TRPS1: variants seen among roughly 807,000 people sequenced by gnomAD.
The protein encoded by TRPS1 is zinc finger transcription factor Trps1.
TRPS1 carries 6 observed loss-of-function variants against 101.2 expected under a neutral mutation model. The ratio of observed to expected loss-of-function variants is 0.06; its 90% CI spans 0.03 to 0.12. TRPS1 has a LOEUF of 0.12. Ranked by LOEUF, TRPS1 falls within the 10% of genes least tolerant of loss-of-function variation. The pLI is 1.00. For missense variants in TRPS1, 1,363 were observed against 1,567.0 expected (o/e 0.87, Z 2.20); for synonymous variants, 578 against 589.8 (o/e 0.98, Z 0.29).
intron 5 of TRPS1, among the ~76,000 whole-genome samples, chr8:115,580,465 T>C (rs1375480473): frequency 6.6e-6 from 1 of 152,060 alleles, no homozygotes; most frequent in Non-Finnish European, 1.5e-5. Flanking sequence ...CCTGTGCTCC[T>C]GAAACTTGGG....
intron 1 of TRPS1, among the ~76,000 whole-genome samples, chr8:115,643,143 A>C (rs955833034): frequency 4.6e-5 from 7 of 152,164 alleles, no homozygotes; most frequent in Non-Finnish European, 8.8e-5. Flanking sequence ...GCAATTGGTA[A>C]TCTTTTTGCT....
chr8:115,648,912 T>C (rs1013861324), intron 1 of TRPS1, among the ~76,000 whole-genome samples: 9 of 152,008 alleles, frequency 5.9e-5, no homozygotes, highest in African/African-American at 2.2e-4. Flanking sequence ...CAATACTCCA[T>C]GTGGAGCAGG....
intron 5 of TRPS1, among the ~76,000 whole-genome samples, chr8:115,481,182 C>T (rs933037830): frequency 6.6e-5 from 10 of 151,996 alleles, no homozygotes; most frequent in African/African-American, 2.4e-4. Context: ...CTTGTTTGCC[C>T]GTTTACAGAT....
At chr8:115,482,053 G>A (rs1029414867) in intron 5 of TRPS1, among the ~76,000 whole-genome samples, 6 of 152,184 alleles carry the variant, frequency 3.9e-5, no homozygotes, top group African/African-American at 2.4e-5. Flanking sequence ...TTGAGATAAC[G>A]TGGATGTTGG....
At chr8:115,640,043 C>A (rs73367228) in intron 1 of TRPS1, among the ~76,000 whole-genome samples, 3,876 of 152,228 alleles carry the variant, frequency 0.025, 160 homozygotes, top group African/African-American at 0.088. Flanking sequence ...ATTAGCAACA[C>A]ATACTTTCAC....
At chr8:115,654,244 A>G (rs80111094) in intron 1 of TRPS1, among the ~76,000 whole-genome samples, 1 of 139,068 alleles carries the variant, frequency 7.2e-6, no homozygotes. Context: ...TGAGAAATTT[A>G]AAAGAAAAAT....
At chr8:115,607,198 G>A (rs1818058635) in intron 3 of TRPS1, among the ~76,000 whole-genome samples, 1 of 151,952 alleles carries the variant, frequency 6.6e-6, no homozygotes, top group African/African-American at 2.4e-5. Flanking sequence ...ATTCTGAAGT[G>A]GATTTAAATT....
At chr8:115,555,871 A>C (rs1816806975) in intron 5 of TRPS1, among the ~76,000 whole-genome samples, 4 of 144,868 alleles carry the variant, frequency 2.8e-5, no homozygotes, top group Admixed American at 2.7e-4. Flanking sequence ...AAACAAACAA[A>C]AAAAAAAGCC....
In TRPS1 at chr8:115,583,055, T is replaced by A. The variant is rs184985442; in HGVS notation, c.2700+3946A>T. 5.4e-3 allele frequency among the ~76,000 whole-genome samples: 824 copies of A among 152,332 alleles called. 4 individuals carry two copies. The highest frequency in any genetic ancestry group is 8.7e-3 in the Non-Finnish European group (591 of 68,028). On this transcript the variant is annotated intron_variant, in intron 5 of 6. Transcript: ENST00000395715. ...AAATGAAAAACTACACAATGTTGGT[T>A]AATTTTTTTGTGAAATTTAATGATC... is the stretch of plus-strand genomic sequence containing the variant.
In TRPS1 at chr8:115,580,769, T is replaced by A. The variant is rs984251792; in HGVS notation, c.2700+6232A>T. 2.0e-5 allele frequency among the ~76,000 whole-genome samples: 3 copies of A among 152,108 alleles called. No individual in the cohort carries two copies. In the South Asian group the frequency reaches 6.2e-4, roughly 32 times the overall value. ...CTAGGTTACAAAAACATTGTTGTTG[T>A]CGTTTTTCAAGTGCTATTAATGTGG... On this transcript the variant is annotated intron_variant, in intron 5 of 6. Coordinates refer to ENST00000395715, the MANE Select transcript of TRPS1 (RefSeq NM_014112.5).
chr8:115,533,461 C>CTTTTTTTTTTTTTTTTTTTAA (rs1381965854), intron 5 of TRPS1, among the ~76,000 whole-genome samples: 1 of 14,254 alleles, frequency 7.0e-5, no homozygotes, highest in Non-Finnish European at 1.2e-4. Context: ...TTTTTTTTTC[C>CTTTTTTTTTTTTTTTTTTTAA]TGAAAAAAAT....
intron 5 of TRPS1, among the ~76,000 whole-genome samples, chr8:115,580,912 G>T (rs995509992): frequency 6.6e-6 from 1 of 152,040 alleles, no homozygotes; most frequent in Non-Finnish European, 1.5e-5. Context: ...TTTTCCAAAG[G>T]AAAGGAAATT....
At chr8:115,449,686 A>G (rs1478124715) in intron 5 of TRPS1, among the ~76,000 whole-genome samples, 1 of 152,190 alleles carries the variant, frequency 6.6e-6, no homozygotes, top group Non-Finnish European at 1.5e-5. Flanking sequence ...TTTTGTAACA[A>G]TCTACAGAGA....
chr8:115,464,841 C>G (rs1332709207), intron 5 of TRPS1, among the ~76,000 whole-genome samples: 1 of 151,926 alleles, frequency 6.6e-6, no homozygotes, highest in Non-Finnish European at 1.5e-5. Context: ...TTTATTTAAA[C>G]TAGGTTATTA....
At chr8:115,662,913 C>G (rs757002265) in intron 1 of TRPS1, among the ~76,000 whole-genome samples, 8 of 152,146 alleles carry the variant, frequency 5.3e-5, no homozygotes, top group Middle Eastern at 3.4e-3. Context: ...ATTTTAGGCT[C>G]TTGCTAACAG....
intron 5 of TRPS1, among the ~76,000 whole-genome samples, chr8:115,539,567 T>C (rs541398186): frequency 2.6e-5 from 4 of 152,306 alleles, no homozygotes; most frequent in African/African-American, 7.2e-5. Flanking sequence ...TGGCCAGGCA[T>C]GGTGGCTCAT....
intron 5 of TRPS1, among the ~76,000 whole-genome samples, chr8:115,586,468 T>G (rs1003397665): frequency 2.0e-5 from 3 of 152,164 alleles, no homozygotes; most frequent in Admixed American, 2.0e-4. Flanking sequence ...TTCCCCCTCT[T>G]GTTGGCAACT....
At chr8:115,476,955 C>A (rs1814621609) in intron 5 of TRPS1, among the ~76,000 whole-genome samples, 1 of 152,130 alleles carries the variant, frequency 6.6e-6, no homozygotes, top group African/African-American at 2.4e-5. Context: ...TCAAAAACAA[C>A]AATAATTATA....
chr8:115,568,861 C>G (rs771436434), intron 5 of TRPS1, among the ~76,000 whole-genome samples: 30 of 152,124 alleles, frequency 2.0e-4, no homozygotes, highest in Non-Finnish European at 2.6e-4. Context: ...AATAGACTTT[C>G]CTGCCTCTCT....
Sources: gnomAD v4.1 joint callset for allele counts (sites outside exome capture counted in the v4.1 genomes callset) on GRCh38, gnomAD v4.1.1 for gene constraint, MANE v1.5 for transcripts, NCBI Gene and HGNC (gene_info 2026-07-23, HGNC 2026-07-21) for gene names.